SLC9A9: variants seen among roughly 807,000 people sequenced by gnomAD.
The protein encoded by SLC9A9 is solute carrier family 9 member A9, also known as sodium/hydrogen exchanger 9.
A neutral mutation model predicts 77.8 loss-of-function variants in SLC9A9; 62 were observed. The ratio of observed to expected loss-of-function variants is 0.80; its 90% confidence interval spans 0.65 to 0.98. The LOEUF (loss-of-function observed/expected upper bound fraction) is 0.98, where lower values mean the gene tolerates loss of function less well. SLC9A9 is among the 50% of genes least tolerant of loss of function. The pLI is 0.00. For missense variants in SLC9A9, 775 were observed against 774.9 expected, an observed-to-expected ratio of 1.00 and a Z score of 0.00; for synonymous variants, 320 against 283.5, an observed-to-expected ratio of 1.13 and a Z score of -1.29.
intron 11 of SLC9A9, among the ~76,000 whole-genome samples, chr3:143,474,962 T>A (rs2035447202): frequency 6.8e-6 from 1 of 146,094 alleles, no homozygotes; most frequent in Admixed American, 6.8e-5. Context: ...CACCCAGGTT[T>A]TTTTTTTTTT....
At chr3:143,600,867 G>A (rs1164171582) in intron 6 of SLC9A9, among the ~76,000 whole-genome samples, 1 of 152,158 alleles carries the variant, frequency 6.6e-6, no homozygotes, top group Non-Finnish European at 1.5e-5. Context: ...AGTGAGAGGA[G>A]ACCCACTGGG....
chr3:143,841,690 T>G (rs1040392944), intron 1 of SLC9A9, among the ~76,000 whole-genome samples: 3 of 152,192 alleles, frequency 2.0e-5, no homozygotes, highest in African/African-American at 7.2e-5. Flanking sequence ...CATCTATAGC[T>G]TCTTTGAGAT....
intron 11 of SLC9A9, among the ~76,000 whole-genome samples, chr3:143,473,377 A>G (rs1056055881): frequency 5.3e-5 from 8 of 152,064 alleles, no homozygotes; most frequent in African/African-American, 1.9e-4. Flanking sequence ...ACCCCACCCT[A>G]CTTTTCCTGT....
intron 2 of SLC9A9, among the ~76,000 whole-genome samples, chr3:143,818,371 A>G (rs1236473231): frequency 2.6e-5 from 4 of 152,138 alleles, no homozygotes; most frequent in Admixed American, 6.6e-5. Flanking sequence ...CAATGTCTCA[A>G]TCTCAGCTCA....
chr3:143,711,959 A>AT (rs1472376670), intron 4 of SLC9A9, among the ~76,000 whole-genome samples: 1 of 152,208 alleles, frequency 6.6e-6, no homozygotes, highest in Non-Finnish European at 1.5e-5. Context: ...TCACCTAGTT[A>AT]TCTGCTCTAT....
At chr3:143,418,104 A>G (rs2034230777) in intron 12 of SLC9A9, among the ~76,000 whole-genome samples, 1 of 150,896 alleles carries the variant, frequency 6.6e-6, no homozygotes, top group South Asian at 2.1e-4. Flanking sequence ...CCAGATGCCC[A>G]GATTATCACT....
intron 6 of SLC9A9, among the ~76,000 whole-genome samples, chr3:143,612,816 T>G (rs977022741): frequency 5.9e-5 from 9 of 152,218 alleles, no homozygotes; most frequent in African/African-American, 1.9e-4. Flanking sequence ...TGATTTCAAC[T>G]TGAATATTAC....
chr3:143,766,593 A>C (rs1048491707), intron 4 of SLC9A9, among the ~76,000 whole-genome samples: 2 of 146,364 alleles, frequency 1.4e-5, no homozygotes, highest in African/African-American at 5.5e-5. Flanking sequence ...TTTTTGAGAC[A>C]CAGTCTCACT....
intron 5 of SLC9A9, among the ~76,000 whole-genome samples, chr3:143,680,591 A>G (rs778673253): frequency 1.3e-4 from 20 of 152,128 alleles, no homozygotes; most frequent in Non-Finnish European, 2.8e-4. Flanking sequence ...TTTTATTTCT[A>G]GAAACTTGCT....
chr3:143,786,838 A>G (rs2008071421), intron 4 of SLC9A9, among the ~76,000 whole-genome samples: 1 of 152,194 alleles, frequency 6.6e-6, no homozygotes, highest in Non-Finnish European at 1.5e-5. Context: ...AACTCAACAC[A>G]GCCTCCCTAA....
intron 6 of SLC9A9, among the ~76,000 whole-genome samples, chr3:143,622,941 A>C (rs1181041266): frequency 6.6e-6 from 1 of 152,228 alleles, no homozygotes; most frequent in Non-Finnish European, 1.5e-5. Context: ...AATGGAAAAC[A>C]AAGAAAGGCA....
chr3:143,636,021 A>G (rs1431120799), intron 6 of SLC9A9, among the ~76,000 whole-genome samples: 1 of 152,188 alleles, frequency 6.6e-6, no homozygotes, highest in Non-Finnish European at 1.5e-5. Context: ...CAGAAGCTCC[A>G]CATGATCTGT....
intron 4 of SLC9A9, among the ~76,000 whole-genome samples, chr3:143,739,287 C>G (rs987918599): frequency 6.6e-6 from 1 of 152,130 alleles, no homozygotes; most frequent in Non-Finnish European, 1.5e-5. Flanking sequence ...GTCATCACTT[C>G]TATCACGCAG....
At chr3:143,623,580 C>T (rs2038261004) in intron 6 of SLC9A9, among the ~76,000 whole-genome samples, 1 of 151,942 alleles carries the variant, frequency 6.6e-6, no homozygotes, top group African/African-American at 2.4e-5. Flanking sequence ...AACAAAGACA[C>T]AACATACCAG....
Position 143,393,573 on chromosome 3 carries a change from T to G in SLC9A9, c.1470-11459A>C, listed in dbSNP as rs374575429. On this transcript the variant is annotated intron_variant, in intron 12 of 15. Transcript: ENST00000316549. The stretch of plus-strand genomic sequence containing the variant: ...AGCAAGAGCAAACACATTCAAAAGC[T>G]AGCAGAAGGCAAGAAATAACTAAGA... Among the ~76,000 whole-genome samples the G allele has an allele frequency of 2.6e-3, 395 of 152,114 alleles. 2 individuals are homozygous for G. The highest frequency in any genetic ancestry group is 9.1e-3 in the African/African-American group (378 of 41,476).
At chr3:143,536,647 G>C (rs1194052875) in intron 9 of SLC9A9, among the ~76,000 whole-genome samples, 1 of 152,092 alleles carries the variant, frequency 6.6e-6, no homozygotes, top group African/African-American at 2.4e-5. Context: ...TTTGACTGTG[G>C]GACTGCCTTC....
chr3:143,582,628 G>C (rs1469784708), intron 6 of SLC9A9, among the ~76,000 whole-genome samples: 3 of 152,188 alleles, frequency 2.0e-5, no homozygotes, highest in Non-Finnish European at 4.4e-5. Context: ...AGGTACCGCA[G>C]AGAAATGGCC....
intron 8 of SLC9A9, among the ~76,000 whole-genome samples, chr3:143,561,013 T>C (rs1459192475): frequency 6.6e-6 from 1 of 152,168 alleles, no homozygotes; most frequent in African/African-American, 2.4e-5. Context: ...AAACCCCGTC[T>C]CTACTAAAAA....
At chr3:143,483,333 T>C (rs2035604218) in intron 11 of SLC9A9, among the ~76,000 whole-genome samples, 1 of 152,150 alleles carries the variant, frequency 6.6e-6, no homozygotes, top group South Asian at 2.1e-4. Context: ...AGTAGGGTCA[T>C]CCATGAACAA....
Sources: allele counts gnomAD v4.1 joint callset (sites outside exome capture counted in the v4.1 genomes callset), GRCh38; gene constraint gnomAD v4.1.1; transcripts MANE v1.5; gene names NCBI Gene and HGNC (gene_info 2026-07-23, HGNC 2026-07-21).